Variants in BAZ1A observed in about 807,000 individuals in gnomAD.
BAZ1A encodes bromodomain adjacent to zinc finger domain 1A.
A neutral mutation model predicts 185.2 loss-of-function variants in BAZ1A; 50 were observed. The observed-to-expected ratio is 0.27, with a 90% confidence interval of 0.22 to 0.34. The LOEUF (loss-of-function observed/expected upper bound fraction) is 0.34, where lower values mean the gene tolerates loss of function less well. Among genes scored for constraint, BAZ1A ranks in the 10% least tolerant of loss-of-function variants. The probability of loss-of-function intolerance (pLI) is 1.00; values close to 1 mark genes in which losing one functional copy is unlikely to be tolerated. For missense variants in BAZ1A, 1,356 were observed against 1,839.9 expected (o/e 0.74, Z 4.81); for synonymous variants, 571 against 615.6 (o/e 0.93, Z 1.07).
intron 2 of BAZ1A, among the ~76,000 whole-genome samples, chr14:34,871,987 ATC>A (rs920051140): frequency 6.6e-6 from 1 of 152,220 alleles, no homozygotes; most frequent in Non-Finnish European, 1.5e-5. Flanking sequence ...TTTTGGAAAG[ATC>A]TCTTTGTAAT....
At chr14:34,830,649 G>A (rs1175749038) in intron 3 of BAZ1A, among the ~76,000 whole-genome samples, 2 of 151,536 alleles carry the variant, frequency 1.3e-5, no homozygotes, top group Admixed American at 6.6e-5. Flanking sequence ...TGAATTTTAT[G>A]GTATGTGAAA....
chr14:34,851,656 A>T (rs565289026), intron 3 of BAZ1A, among the ~76,000 whole-genome samples: 6 of 152,284 alleles, frequency 3.9e-5, no homozygotes, highest in Admixed American at 6.5e-5. Context: ...TTTGCTCAAA[A>T]AAAAAAGACA....
intron 23 of BAZ1A, among the ~76,000 whole-genome samples, chr14:34,762,715 A>G (rs148096776): frequency 0.033 from 4,969 of 152,198 alleles, 116 homozygotes; most frequent in African/African-American, 0.055. Context: ...GGCGATCTGC[A>G]TGCCTCGGCC....
chr14:34,760,804 A>C (rs949188223), intron 24 of BAZ1A, among the ~76,000 whole-genome samples: 3 of 152,130 alleles, frequency 2.0e-5, no homozygotes, highest in Admixed American at 1.3e-4. Flanking sequence ...GTGAGCTCAG[A>C]TTGCGCCACT....
chr14:34,813,071 A>T (rs567672827), intron 4 of BAZ1A, among the ~76,000 whole-genome samples: 3 of 152,278 alleles, frequency 2.0e-5, no homozygotes, highest in African/African-American at 7.2e-5. Context: ...TCAAATAGAG[A>T]ATTCTAAATG....
At chr14:34,853,716 G>T (rs546377636) in intron 3 of BAZ1A, among the ~76,000 whole-genome samples, 148 of 152,310 alleles carry the variant, frequency 9.7e-4, no homozygotes, top group African/African-American at 3.5e-3. Context: ...GAACCCAGGA[G>T]ACACAGGTTG....
intron 4 of BAZ1A, among the ~76,000 whole-genome samples, chr14:34,824,408 CA>C: frequency 0.44 from 28,865 of 65,654 alleles, 5,339 homozygotes; most frequent in Middle Eastern, 0.56. Flanking sequence ...AGCAGCAACT[CA>C]AAAAAAAAAA....
chr14:34,852,355 A>G (rs942549428), intron 3 of BAZ1A, among the ~76,000 whole-genome samples: 2 of 152,166 alleles, frequency 1.3e-5, no homozygotes, highest in Non-Finnish European at 2.9e-5. Flanking sequence ...ACAATGGCTC[A>G]TGCCTGTAAT....
At chr14:34,805,883 CTTT>C (rs748874302) in intron 6 of BAZ1A, among the ~76,000 whole-genome samples, 1 of 139,374 alleles carries the variant, frequency 7.2e-6, no homozygotes. Context: ...CTACACATGA[CTTT>C]TTTTTTTTTT....
At position 34,765,188 on chromosome 14, in the gene BAZ1A, G is replaced by A; in HGVS notation, c.3382C>T (p.Gln1128Ter). Residue 1128 changes from glutamine to a stop codon, truncating the protein, a stop_gained, in exon 22 of 27, where the codon CAA becomes TAA. Coordinates refer to ENST00000360310, the MANE Select transcript of BAZ1A (RefSeq NM_013448.3). LOFTEE classifies it high-confidence loss of function. ...AAGGTGGATAGGTGAAGAAAAACTT[G>A]GGATAGACTAGCAGAAGAAAGGAGA... ...ESLLSSASLS[Q>*]VFLHLSTLDR... 6.2e-7 allele frequency: 1 copy of A among 1,614,056 alleles called. No homozygotes were observed.
At chr14:34,770,162 G>GT (rs1180418338) in intron 21 of BAZ1A, among the ~76,000 whole-genome samples, 2 of 151,778 alleles carry the variant, frequency 1.3e-5, no homozygotes, top group Non-Finnish European at 2.9e-5. Context: ...TATTATTTTT[G>GT]TTTTTTTTAA....
chr14:34,857,257 T>C (rs557633469), intron 3 of BAZ1A, among the ~76,000 whole-genome samples: 33 of 152,098 alleles, frequency 2.2e-4, no homozygotes, highest in African/African-American at 8.0e-4. Flanking sequence ...CTGCCCGCCT[T>C]GGCCTCCCAA....
chr14:34,798,168 G>C (rs896415077), intron 9 of BAZ1A, among the ~76,000 whole-genome samples: 18 of 152,266 alleles, frequency 1.2e-4, no homozygotes, highest in Admixed American at 1.2e-3. Context: ...GCTGAGGCTT[G>C]AGTAGGTAAA....
intron 3 of BAZ1A, among the ~76,000 whole-genome samples, chr14:34,827,604 G>A (rs1430469912): frequency 8.6e-5 from 13 of 151,774 alleles, no homozygotes; most frequent in East Asian, 1.9e-4. Context: ...GCGTGGTGGC[G>A]GGTGCCTGTA....
chr14:34,845,859 C>CAAAAA (rs3062591), intron 3 of BAZ1A, among the ~76,000 whole-genome samples: 61 of 114,570 alleles, frequency 5.3e-4, no homozygotes, highest in East Asian at 1.3e-3. Flanking sequence ...GACTCTGTCT[C>CAAAAA]AAAAAAAAAA....
intron 2 of BAZ1A, among the ~76,000 whole-genome samples, chr14:34,864,341 A>G (rs1406241499): frequency 6.6e-6 from 1 of 151,932 alleles, no homozygotes; most frequent in Non-Finnish European, 1.5e-5. Context: ...ATGGAGTTTC[A>G]TCATGTTGGC....
chr14:34,806,895 A>G (rs559138511), intron 6 of BAZ1A, among the ~76,000 whole-genome samples: 1 of 151,518 alleles, frequency 6.6e-6, no homozygotes, highest in East Asian at 1.9e-4. Context: ...GACTACAGTT[A>G]CCCACCACCA....
chr14:34,830,009 T>C (rs1405514872), intron 3 of BAZ1A, among the ~76,000 whole-genome samples: 2 of 152,236 alleles, frequency 1.3e-5, no homozygotes, highest in Admixed American at 6.5e-5. Flanking sequence ...AGGGAGTTTA[T>C]GTAACCAAGG....
chr14:34,776,504 GTCC>G lies in BAZ1A; in HGVS notation c.2245_2247del (p.Gly749del), dbSNP rs1239807536. 6.3e-7 allele frequency: 1 copy of G among 1,580,024 alleles called. No individual in the cohort carries two copies. Among genetic ancestry groups the G allele is most frequent in the Non-Finnish European group, 8.6e-7 (1 of 1,167,424 alleles). On this transcript the variant is annotated inframe_deletion, in exon 18 of 27. Transcript: ENST00000360310. ...CTTGTAAATTCTTTAAATCCATTTT[GTCC>G]TCTTTTCCCTGTAATTAAAATAAAA... is the stretch of plus-strand genomic sequence containing the variant.
Sources: allele counts gnomAD v4.1 joint callset (sites outside exome capture counted in the v4.1 genomes callset), GRCh38; gene constraint gnomAD v4.1.1; transcripts MANE v1.5; gene names NCBI Gene and HGNC (gene_info 2026-07-23, HGNC 2026-07-21).